The following UBL7 variants were observed in gnomAD, a reference collection of about 807,000 sequenced individuals.
UBL7 encodes the protein ubiquitin like 7.
In UBL7, 21 loss-of-function variants were observed where a neutral mutation model predicts 41.7. The observed-to-expected ratio is 0.50, with a 90% confidence interval of 0.36 to 0.73. The LOEUF is 0.73. Ranked by LOEUF, UBL7 falls within the 30% of genes least tolerant of loss-of-function variation. The pLI, the probability that UBL7 is intolerant of heterozygous loss-of-function variation, is 0.00. For synonymous variants in UBL7, 157 were observed against 186.9 expected (o/e 0.84, Z 1.31); for missense variants, 403 against 478.4 (o/e 0.84, Z 1.47).
rs1382679352 is a variant in UBL7, at chr15:74,449,966, T to C, written c.634A>G (p.Met212Val). ...MPGTDSSSRSMPSSSYRDMPG... is the reference protein window; with the variant it reads ...MPGTDSSSRSVPSSSYRDMPG... The stretch of plus-strand genomic sequence containing the variant: ...ATATCCCGGTATGAGCTGGAGGGCA[T>C]GCTCCGGGAAGAGGAGTCAGTCCCA... The change falls in exon 7 of 11, where the codon ATG becomes GTG. Residue 212 changes from methionine to valine, a missense_variant. Coordinates refer to ENST00000395081, the MANE Select transcript of UBL7 (RefSeq NM_032907.5). 9.3e-6 allele frequency: 15 copies of C among 1,613,036 alleles called. No individual in the cohort carries two copies. The highest frequency in any genetic ancestry group is 1.3e-5 in the Non-Finnish European group (15 of 1,179,680).
intron 4 of UBL7, 128 bp downstream of exon 4, chr15:74,452,168 G>A (rs558891793): frequency 2.1e-6 from 2 of 956,626 alleles, no homozygotes; most frequent in East Asian, 5.4e-5. Context: ...CACAGACATG[G>A]CAAAAACTCC....
At chr15:74,450,654 C>A in intron 6 of UBL7, 148 bp downstream of exon 6, 1 of 750,714 alleles carries the variant, frequency 1.3e-6, no homozygotes, top group Admixed American at 2.6e-5. Flanking sequence ...TTGGGCTTTG[C>A]TCTTTCTCAC....
rs1305653454 is a variant in UBL7 at position 74,446,483 on chromosome 15, C to T, written c.1006-256G>A. Among the ~76,000 whole-genome samples the T allele has an allele frequency of 1.3e-5, 2 of 152,244 alleles. No homozygotes were observed. The highest frequency in any genetic ancestry group is 4.8e-5 in the African/African-American group (2 of 41,460). ...CAAAAGAGAATGTACAAATTATTCA[C>T]TGTCTGAATTCCAAGAGGCTAAATT... is the stretch of plus-strand genomic sequence containing the variant. On this transcript the variant is annotated intron_variant, in intron 10 of 10. Coordinates refer to ENST00000395081, the MANE Select transcript of UBL7 (RefSeq NM_032907.5). The surrounding 1 kb of genome is among the most constrained non-coding windows in gnomAD (Gnocchi z 4.1).
chr15:74,454,625 C>T (rs1459745742), intron 3 of UBL7, among the ~76,000 whole-genome samples: 3 of 152,094 alleles, frequency 2.0e-5, no homozygotes, highest in African/African-American at 4.8e-5. Context: ...CTCGAACTCC[C>T]AATCTCAGGT....
chr15:74,459,475 A>ATTT (rs372314262), intron 1 of UBL7, among the ~76,000 whole-genome samples: 24 of 141,022 alleles, frequency 1.7e-4, no homozygotes, highest in Non-Finnish European at 2.5e-4. Flanking sequence ...CGCCAGGCTA[A>ATTT]TTTTTTTTTT....
intron 1 of UBL7, chr15:74,460,613 C>T: frequency 1.8e-6 from 2 of 1,136,318 alleles, no homozygotes; most frequent in South Asian, 2.8e-5. Flanking sequence ...CACCCCAATT[C>T]TTGAATGCCC....
chr15:74,449,699 AG>A, intron 7 of UBL7, 24 bp from the exon 8 acceptor site: 1 of 1,614,100 alleles, frequency 6.2e-7, no homozygotes. Flanking sequence ...AACAGATTTC[AG>A]GAGGAAGAAC....
chr15:74,447,402 C>T (rs2061193908), intron 10 of UBL7, among the ~76,000 whole-genome samples: 2 of 152,302 alleles, frequency 1.3e-5, no homozygotes, highest in South Asian at 2.1e-4. Context: ...GACCTTTCTC[C>T]TCCTTAAAGC....
rs374980656 is a variant in UBL7, at chr15:74,446,196, C to A, written c.1037G>T (p.Arg346Leu). ...CTCATCGTCCTGGATGCCCATGTCA[C>A]GTAGCTGCTGCAGCTGGGGCTGCCA... ...SQWQPQLQQL[R>L]DMGIQDDELS... The change falls in exon 11 of 11, where the codon CGT (arginine) becomes CTT (leucine). Residue 346 changes from arginine (R) to leucine (L), a missense_variant. Transcript: ENST00000395081. The surrounding 1 kb of genome is among the most constrained non-coding windows in gnomAD (Gnocchi z 4.1). The A allele has an allele frequency of 6.8e-6, 11 of 1,613,902 alleles. No homozygotes were observed. The African/African-American group carries it at 1.5e-4, about 22-fold the overall frequency.
chr15:74,449,831 C>G (rs995100415), intron 7 of UBL7, 105 bp downstream of exon 7: 25 of 1,538,824 alleles, frequency 1.6e-5, no homozygotes, highest in Middle Eastern at 1.7e-4. Flanking sequence ...CGAGAGTTCC[C>G]AAGGAACGCC....
intron 3 of UBL7, among the ~76,000 whole-genome samples, 156 bp downstream of exon 3, chr15:74,456,396 C>T (rs938226014): frequency 2.0e-5 from 3 of 152,194 alleles, no homozygotes; most frequent in Admixed American, 6.5e-5. Context: ...TGTTTATCAG[C>T]ATGGTCTAAT....
At chr15:74,457,415 C>A (rs750444291) in intron 2 of UBL7, among the ~76,000 whole-genome samples, 1 of 152,076 alleles carries the variant, frequency 6.6e-6, no homozygotes, top group Non-Finnish European at 1.5e-5. Context: ...TGGTGGCAGA[C>A]GCCTGTAATC....
intron 10 of UBL7, among the ~76,000 whole-genome samples, chr15:74,447,143 T>G (rs1448985610): frequency 6.6e-6 from 1 of 152,182 alleles, no homozygotes; most frequent in African/African-American, 2.4e-5. Context: ...GAAGACAAGT[T>G]GTTCACGAAT....
chr15:74,460,010 G>A lies in UBL7; in HGVS notation c.-30+1027C>T, dbSNP rs1411858443. ...TAATCCTGTCACTTTGGGAGGCCGC[G>A]GAGGACGGATCACTTAAGATCAGGT... On this transcript the variant is annotated intron_variant, in intron 1 of 10. Transcript: ENST00000395081. 4.0e-5 allele frequency among the ~76,000 whole-genome samples: 6 copies of A among 150,314 alleles called. No homozygotes were observed. In the East Asian group the frequency reaches 5.9e-4, roughly 15 times the overall value.
intron 1 of UBL7, among the ~76,000 whole-genome samples, chr15:74,459,362 G>A (rs1258505959): frequency 6.7e-6 from 1 of 149,674 alleles, no homozygotes; most frequent in Admixed American, 6.7e-5. Context: ...GTGCAGCGGC[G>A]CGATCTCGGC....
chr15:74,456,390 T>TA (rs1395622774), intron 3 of UBL7, among the ~76,000 whole-genome samples, 162 bp downstream of exon 3: 1 of 152,230 alleles, frequency 6.6e-6, no homozygotes, highest in Non-Finnish European at 1.5e-5. Context: ...GGACTCTGTT[T>TA]ATCAGCATGG....
At chr15:74,447,634 GAAGTTGAGGCTACAGT>G (rs2061196573) in intron 10 of UBL7, among the ~76,000 whole-genome samples, 1 of 152,178 alleles carries the variant, frequency 6.6e-6, no homozygotes, top group Non-Finnish European at 1.5e-5. Context: ...CTGAGCCCAG[GAAGTTGAGGCTACAGT>G]AAGTTGTGAT....
At chr15:74,451,007 G>T in intron 5 of UBL7, 148 bp from the exon 6 acceptor site, 1 of 805,186 alleles carries the variant, frequency 1.2e-6, no homozygotes. Flanking sequence ...AAAGCGCCAA[G>T]CAATACAATT....
intron 2 of UBL7, 45 bp downstream of exon 2, chr15:74,458,639 A>T (rs747632181): frequency 6.5e-7 from 1 of 1,548,862 alleles, no homozygotes; most frequent in East Asian, 2.3e-5. Context: ...TCCTCCCCCA[A>T]AAGAGATCAG....
Sources: gnomAD v4.1 joint callset for allele counts (sites outside exome capture counted in the v4.1 genomes callset) on GRCh38, gnomAD v4.1.1 for gene constraint, Gnocchi (gnomAD v3.1) non-coding constraint, MANE v1.5 for transcripts, NCBI Gene and HGNC (gene_info 2026-07-23, HGNC 2026-07-21) for gene names.